The following TNR variants were observed in gnomAD, a reference collection of about 807,000 sequenced individuals.
TNR encodes the protein tenascin R, also known as tenascin-R.
Under a neutral mutation model 150.4 loss-of-function variants are expected in TNR, and 45 were observed. The observed-to-expected ratio is 0.30, with a 90% CI of 0.24 to 0.38. TNR has a LOEUF of 0.38. Among genes scored for constraint, TNR ranks in the 10% least tolerant of loss-of-function variants. TNR has a pLI of 1.00. For missense variants in TNR, 1,544 were observed against 1,759.1 expected (o/e 0.88, Z 2.19); for synonymous variants, 687 against 678.4 (o/e 1.01, Z -0.20).
At chr1:175,507,246 C>T (rs1658993791) in intron 2 of TNR, among the ~76,000 whole-genome samples, 1 of 152,186 alleles carries the variant, frequency 6.6e-6, no homozygotes, top group African/African-American at 2.4e-5. Context: ...TGCTATGATG[C>T]ACCCTCAGTG....
chr1:175,521,505 C>T (rs953030655), intron 2 of TNR, among the ~76,000 whole-genome samples: 4 of 152,334 alleles, frequency 2.6e-5, no homozygotes, highest in South Asian at 2.1e-4. Flanking sequence ...GAAATATTTT[C>T]GGCCTCTAAA....
chr1:175,526,584 C>T (rs1454716036), intron 2 of TNR, among the ~76,000 whole-genome samples: 3 of 152,190 alleles, frequency 2.0e-5, no homozygotes, highest in African/African-American at 7.2e-5. Flanking sequence ...GAGCTCAACT[C>T]CCCAAATATC....
intron 2 of TNR, among the ~76,000 whole-genome samples, chr1:175,465,811 A>G (rs78793201): frequency 0.012 from 1,884 of 152,268 alleles, 21 homozygotes; most frequent in Non-Finnish European, 0.016. Flanking sequence ...CACTCACTCT[A>G]GCTCAGGTCC....
At chr1:175,674,797 G>C (rs951335008) in intron 1 of TNR, among the ~76,000 whole-genome samples, 15 of 152,160 alleles carry the variant, frequency 9.9e-5, no homozygotes, top group Non-Finnish European at 1.5e-4. Context: ...TTGACAGAGA[G>C]GAGAGGACCA....
At chr1:175,518,769 C>T (rs1287328845) in intron 2 of TNR, among the ~76,000 whole-genome samples, 1 of 152,170 alleles carries the variant, frequency 6.6e-6, no homozygotes, top group African/African-American at 2.4e-5. Flanking sequence ...CCTCCCTTAT[C>T]GCCCCCTCTA....
chr1:175,437,591 T>C (rs1267412086), intron 2 of TNR, among the ~76,000 whole-genome samples: 2 of 152,158 alleles, frequency 1.3e-5, no homozygotes, highest in African/African-American at 4.8e-5. Context: ...ATTCAGGAGC[T>C]GGTTTTTTGA....
chr1:175,659,286 AGAACCC>A (rs1665288334), intron 1 of TNR, among the ~76,000 whole-genome samples: 1 of 152,262 alleles, frequency 6.6e-6, no homozygotes, highest in South Asian at 2.1e-4. Context: ...CTAGTGGATC[AGAACCC>A]AACTGAAATA....
chr1:175,331,056 T>TC lies in TNR; in HGVS notation c.3632-822dup, dbSNP rs1477752379. Among the ~76,000 whole-genome samples the TC allele has an allele frequency of 5.0e-4, 59 of 116,970 alleles. 1 individual carries two copies. The highest frequency in any genetic ancestry group is 8.5e-4 in the Non-Finnish European group (47 of 55,102). 76.7% of individuals were successfully genotyped at this position (116,970 alleles called of 152,430 possible). On this transcript the variant is annotated intron_variant, in intron 20 of 22. Coordinates refer to ENST00000367674, the MANE Select transcript of TNR (RefSeq NM_003285.3). ...TTCTTTCTTTCTTTCTTTCTTTCTTTCTTTCTTTCTTTCTTTCTTTCCTTC... is the reference window on the plus strand; with the variant it reads ...TTCTTTCTTTCTTTCTTTCTTTCTTTCCTTTCTTTCTTTCTTTCTTTCCTTC...
At chr1:175,525,903 G>T (rs990349114) in intron 2 of TNR, among the ~76,000 whole-genome samples, 2 of 152,240 alleles carry the variant, frequency 1.3e-5, no homozygotes, top group South Asian at 2.1e-4. Flanking sequence ...GGGTAGCCAG[G>T]TGCCTAGTTT....
At chr1:175,404,577 G>T (rs1242588839) in intron 3 of TNR, among the ~76,000 whole-genome samples, 1 of 152,172 alleles carries the variant, frequency 6.6e-6, no homozygotes. Context: ...AGGATATGAA[G>T]TCTAGTAAGT....
intron 2 of TNR, among the ~76,000 whole-genome samples, chr1:175,448,763 A>T (rs1656176767): frequency 6.6e-6 from 1 of 152,208 alleles, no homozygotes; most frequent in African/African-American, 2.4e-5. Flanking sequence ...CTAGAAGTCC[A>T]CCAGCAAACC....
chr1:175,658,155 T>C (rs1439436223), intron 1 of TNR, among the ~76,000 whole-genome samples: 1 of 152,036 alleles, frequency 6.6e-6, no homozygotes, highest in Admixed American at 6.6e-5. Context: ...TCAAGGCTGC[T>C]GTACTCTCAC....
At position 175,356,372 on chromosome 1, in the gene TNR, T is replaced by C; in HGVS notation, c.3065A>G (p.Tyr1022Cys). ...ACTGGTGAGAGGTCCATTGGTGGCATACATGGTGGCAGTATAGTGGGTGCT... is the reference window on the plus strand; with the variant it reads ...ACTGGTGAGAGGTCCATTGGTGGCACACATGGTGGCAGTATAGTGGGTGCT... ...LPSTHYTATM[Y>C]ATNGPLTSGT... The change falls in exon 16 of 23, where the codon TAT (tyrosine) becomes TGT (cysteine). Residue 1022 changes from tyrosine to cysteine, a missense_variant. Coordinates refer to ENST00000367674, the MANE Select transcript of TNR (RefSeq NM_003285.3). 6.2e-7 allele frequency: 1 copy of C among 1,614,048 alleles called. No individual in the cohort carries two copies. The highest frequency in any genetic ancestry group is 8.5e-7 in the Non-Finnish European group (1 of 1,179,950).
intron 1 of TNR, among the ~76,000 whole-genome samples, chr1:175,685,000 A>G (rs1666145946): frequency 6.6e-6 from 1 of 151,712 alleles, no homozygotes; most frequent in Admixed American, 6.6e-5. Flanking sequence ...GGCTTTTCCT[A>G]TTTCCTTTTT....
chr1:175,472,624 A>T (rs926600827), intron 2 of TNR, among the ~76,000 whole-genome samples: 5 of 152,308 alleles, frequency 3.3e-5, no homozygotes, highest in East Asian at 3.9e-4. Flanking sequence ...ATCGTATGGG[A>T]CCACTGTCAT....
At position 175,639,981 on chromosome 1, in the gene TNR, G is replaced by A. The variant is rs1571703076; in HGVS notation, c.-165+103245C>T. 3.3e-5 allele frequency among the ~76,000 whole-genome samples: 5 copies of A among 152,340 alleles called. 1 individual carries two copies. The highest frequency in any genetic ancestry group is 3.3e-4 in the Admixed American group (5 of 15,304). On this transcript the variant is annotated intron_variant, in intron 1 of 22. Transcript: ENST00000367674. ...CCATGAGAATGTAAACTCAGGAAGT[G>A]CAAGGACTTCTTCTGTTTACTGCTG...
chr1:175,440,881 T>G (rs960198692), intron 2 of TNR, among the ~76,000 whole-genome samples: 7 of 152,124 alleles, frequency 4.6e-5, no homozygotes, highest in African/African-American at 1.7e-4. Context: ...ACTGGTGTCC[T>G]TAAGTAGGAG....
chr1:175,459,103 T>C (rs1045976740), intron 2 of TNR, among the ~76,000 whole-genome samples: 7 of 150,072 alleles, frequency 4.7e-5, no homozygotes, highest in African/African-American at 9.9e-5. Flanking sequence ...ATACCACCAA[T>C]ATTATTACCA....
At chr1:175,332,376 C>A (rs1176091365) in intron 20 of TNR, among the ~76,000 whole-genome samples, 2 of 152,106 alleles carry the variant, frequency 1.3e-5, no homozygotes, top group Admixed American at 6.6e-5. Context: ...TATTTTTGTT[C>A]CCCCATTCCC....
Sources: gnomAD v4.1 joint callset for allele counts (sites outside exome capture counted in the v4.1 genomes callset) on GRCh38, gnomAD v4.1.1 for gene constraint, MANE v1.5 for transcripts, NCBI Gene and HGNC (gene_info 2026-07-23, HGNC 2026-07-21) for gene names.